MACROD2: variants seen among roughly 807,000 people sequenced by gnomAD.
The protein encoded by MACROD2 is mono-ADP ribosylhydrolase 2.
Under a neutral mutation model 70.4 loss-of-function variants are expected in MACROD2, and 36 were observed. The observed-to-expected ratio is 0.51, with a 90% CI of 0.39 to 0.68. The LOEUF (loss-of-function observed/expected upper bound fraction) is 0.68, where lower values mean the gene tolerates loss of function less well. MACROD2 is among the 30% of genes least tolerant of loss of function. The pLI, the probability that MACROD2 is intolerant of heterozygous loss-of-function variation, is 0.00. For synonymous variants in MACROD2, 172 were observed against 178.8 expected (o/e 0.96, Z 0.30); for missense variants, 496 against 538.4 (o/e 0.92, Z 0.78).
intron 6 of MACROD2, 146 bp downstream of exon 6, chr20:15,230,207 A>G: frequency 1.5e-6 from 1 of 665,092 alleles, no homozygotes; most frequent in Non-Finnish European, 2.3e-6. Context: ...GGTTATCATG[A>G]CTCTAATCTT....
At chr20:15,905,524 C>T (rs1432283134) in intron 10 of MACROD2, among the ~76,000 whole-genome samples, 2 of 152,206 alleles carry the variant, frequency 1.3e-5, no homozygotes, top group East Asian at 1.9e-4. Flanking sequence ...AAAACTCAGT[C>T]CCCGGGTTTA....
At chr20:14,765,235 C>T (rs1374725685) in intron 5 of MACROD2, among the ~76,000 whole-genome samples, 3 of 152,044 alleles carry the variant, frequency 2.0e-5, no homozygotes, top group African/African-American at 4.8e-5. Flanking sequence ...ATTCCCTCCC[C>T]GCTTTCTCTT....
intron 5 of MACROD2, among the ~76,000 whole-genome samples, chr20:15,136,850 TCAAA>T (rs1478759159): frequency 6.6e-6 from 1 of 150,474 alleles, no homozygotes; most frequent in South Asian, 2.1e-4. Flanking sequence ...TACAATGAAC[TCAAA>T]CAAATTTACA....
At chr20:15,729,168 T>C (rs73105689) in intron 8 of MACROD2, among the ~76,000 whole-genome samples, 15,386 of 152,246 alleles carry the variant, frequency 0.1, 946 homozygotes, top group East Asian at 0.14. Flanking sequence ...AGGAGCACAT[T>C]GTTTAATTTC....
intron 8 of MACROD2, among the ~76,000 whole-genome samples, chr20:15,546,245 C>CA (rs1206745175): frequency 5.3e-5 from 8 of 150,968 alleles, no homozygotes; most frequent in African/African-American, 1.2e-4. Flanking sequence ...AACTCCATCT[C>CA]AAAAAAAAGA....
At chr20:14,027,264 T>G (rs1213754968) in intron 2 of MACROD2, among the ~76,000 whole-genome samples, 1 of 152,132 alleles carries the variant, frequency 6.6e-6, no homozygotes, top group Non-Finnish European at 1.5e-5. Flanking sequence ...TATTGATACT[T>G]GTATATGCTT....
chr20:15,468,743 C>T (rs1200583888), intron 7 of MACROD2, among the ~76,000 whole-genome samples: 1 of 152,156 alleles, frequency 6.6e-6, no homozygotes, highest in Non-Finnish European at 1.5e-5. Flanking sequence ...TATCAAAAGG[C>T]CATGCTCTAA....
At chr20:14,713,504 A>G (rs75232220) in intron 5 of MACROD2, among the ~76,000 whole-genome samples, 1 of 152,134 alleles carries the variant, frequency 6.6e-6, no homozygotes, top group African/African-American at 2.4e-5. Flanking sequence ...CACCTAATAT[A>G]TGTTACTCCA....
chr20:15,096,447 TATATATATAA>T (rs2075832839), intron 5 of MACROD2, among the ~76,000 whole-genome samples: 1 of 148,322 alleles, frequency 6.7e-6, no homozygotes, highest in Admixed American at 6.8e-5. Context: ...CCCATGCTAA[TATATATATAA>T]ATATATATAA....
At chr20:15,028,142 C>T (rs1476636189) in intron 5 of MACROD2, among the ~76,000 whole-genome samples, 1 of 152,212 alleles carries the variant, frequency 6.6e-6, no homozygotes. Context: ...TAGGGCACTG[C>T]CCCTGGAGGG....
intron 5 of MACROD2, among the ~76,000 whole-genome samples, chr20:14,709,754 C>G (rs1210273949): frequency 6.6e-6 from 1 of 152,050 alleles, no homozygotes; most frequent in East Asian, 1.9e-4. Context: ...TAAACAGAAA[C>G]AAGTGTAGTA....
At chr20:14,768,217 G>A (rs2072117344) in intron 5 of MACROD2, among the ~76,000 whole-genome samples, 1 of 152,094 alleles carries the variant, frequency 6.6e-6, no homozygotes. Flanking sequence ...TCACCACACT[G>A]TCTTCCACAA....
intron 3 of MACROD2, among the ~76,000 whole-genome samples, chr20:14,328,077 A>T (rs1199925755): frequency 1.3e-5 from 2 of 152,028 alleles, no homozygotes; most frequent in Non-Finnish European, 2.9e-5. Flanking sequence ...TTCTCTTCAT[A>T]CTCAGGAATA....
At chr20:15,699,222 G>T (rs1390148026) in intron 8 of MACROD2, among the ~76,000 whole-genome samples, 2 of 152,194 alleles carry the variant, frequency 1.3e-5, no homozygotes, top group African/African-American at 4.8e-5. Flanking sequence ...CAGAGGGAAG[G>T]TCTAGGGCTG....
intron 2 of MACROD2, among the ~76,000 whole-genome samples, chr20:14,057,663 T>A (rs1457985181): frequency 2.0e-5 from 3 of 152,186 alleles, no homozygotes; most frequent in African/African-American, 7.2e-5. Context: ...TACATACATA[T>A]ATCCAGCAAC....
rs536350926 is a variant in MACROD2 at position 15,846,405 on chromosome 20, AG to A, written c.646-16339del. On this transcript the variant is annotated intron_variant, in intron 8 of 17. Transcript: ENST00000684519. ...GTTCTTTTCAATTGATTCCTGTGTTAGTTTGCCCCACCCCTCCAACATAGTC... is the reference window on the plus strand; with the variant it reads ...GTTCTTTTCAATTGATTCCTGTGTTATTTGCCCCACCCCTCCAACATAGTC... Among the ~76,000 whole-genome samples the A allele has an allele frequency of 6.6e-4, 100 of 152,244 alleles. 1 individual carries two copies. The highest frequency in any genetic ancestry group is 2.3e-3 in the African/African-American group (97 of 41,544).
At chr20:14,999,972 G>T (rs1234148989) in intron 5 of MACROD2, among the ~76,000 whole-genome samples, 1 of 152,146 alleles carries the variant, frequency 6.6e-6, no homozygotes. Context: ...ACTGTATATT[G>T]TTCAGGGCTA....
intron 5 of MACROD2, among the ~76,000 whole-genome samples, chr20:14,989,099 T>C (rs184351085): frequency 6.6e-6 from 1 of 152,206 alleles, no homozygotes; most frequent in African/African-American, 2.4e-5. Flanking sequence ...TGGTTTTTTT[T>C]AAAAAGTATG....
At chr20:15,242,716 A>T (rs1296847671) in intron 6 of MACROD2, among the ~76,000 whole-genome samples, 1 of 152,210 alleles carries the variant, frequency 6.6e-6, no homozygotes, top group Non-Finnish European at 1.5e-5. Flanking sequence ...GTATATTTTT[A>T]AAAATGTAAA....
Sources: allele counts gnomAD v4.1 joint callset (sites outside exome capture counted in the v4.1 genomes callset), GRCh38; gene constraint gnomAD v4.1.1; transcripts MANE v1.5; gene names NCBI Gene and HGNC (gene_info 2026-07-23, HGNC 2026-07-21).